Variants in CCDC120 observed in about 807,000 individuals in gnomAD.
CCDC120 encodes the protein coiled-coil domain-containing protein 120.
A neutral mutation model predicts 37.6 loss-of-function variants in CCDC120; 16 were observed. The observed-to-expected ratio is 0.43, with a 90% confidence interval of 0.29 to 0.65. The LOEUF (loss-of-function observed/expected upper bound fraction) is 0.65. Ranked by LOEUF, CCDC120 falls within the 30% of genes least tolerant of loss-of-function variation. The probability of loss-of-function intolerance (pLI) is 0.18; values close to 1 mark genes in which losing one functional copy is unlikely to be tolerated. For synonymous variants in CCDC120, 309 were observed against 275.4 expected (o/e 1.12, Z -1.21); for missense variants, 650 against 657.4 (o/e 0.99, Z 0.12).
At chrX:49,059,512 C>A in intron 1 of CCDC120, 2 of 188,253 alleles carry the variant, frequency 1.1e-5, no homozygotes, top group Non-Finnish European at 1.6e-5. Flanking sequence ...CACCTGCCTG[C>A]CTATGCCTGA....
chrX:49,060,052 C>T (rs982771387), intron 1 of CCDC120, among the ~76,000 whole-genome samples: 1 of 112,174 alleles, frequency 8.9e-6, no homozygotes. Context: ...TATGTCCCCC[C>T]GAGGTCGGGC....
chrX:49,054,980 G>A (rs202059635), upstream of CCDC120, among the ~76,000 whole-genome samples: 9 of 111,881 alleles, frequency 8.0e-5, no homozygotes, highest in East Asian at 5.6e-4. Flanking sequence ...TACTGTGCCC[G>A]GAACTTGAAG....
Position 49,062,559 on chromosome X carries a change from C to T in CCDC120, c.246C>T (p.Ser82=), listed in dbSNP as rs782671018. ...DRQRTLQEAL[S]LKLQELRKVC... is the part of the protein sequence containing the mutation. ...AGCGGACCCTGCAGGAGGCCCTGAG[C>T]CTGAAACTTCAGGAGCTCCGCAAAG... The change falls in exon 4 of 11, where the codon AGC becomes AGT. Residue 82 remains serine, a synonymous_variant. Coordinates refer to ENST00000603986, the MANE Select transcript of CCDC120 (RefSeq NM_001163321.4). 9 of 1,210,598 alleles carry T rather than the reference C, an allele frequency of 7.4e-6. No homozygotes were observed. Among genetic ancestry groups the T allele is most frequent in the Non-Finnish European group, 1.0e-5 (9 of 895,107 alleles).
chrX:49,060,244 G>A (rs1238132853), intron 1 of CCDC120, among the ~76,000 whole-genome samples: 11 of 109,786 alleles, frequency 1.0e-4, no homozygotes, highest in African/African-American at 3.3e-4. Flanking sequence ...GGCCAACATG[G>A]TGAAACCCAA....
intron 1 of CCDC120, chrX:49,059,365 G>T: frequency 2.7e-6 from 2 of 753,566 alleles, no homozygotes; most frequent in Non-Finnish European, 3.1e-6. Flanking sequence ...GGGGAAAAGA[G>T]AAGTATGAGT....
At chrX:49,068,497 T>C (rs1557082277) in intron 10 of CCDC120, 47 bp from the exon 11 acceptor site, 7 of 1,051,496 alleles carry the variant, frequency 6.7e-6, no homozygotes, top group African/African-American at 2.0e-5. Context: ...TTTCTTCTTC[T>C]TGTCTTCCCC....
chrX:49,062,851 G>T (rs1301953536), intron 4 of CCDC120, among the ~76,000 whole-genome samples: 1 of 110,065 alleles, frequency 9.1e-6, no homozygotes, highest in Non-Finnish European at 1.9e-5. Context: ...CCTGAGGTCG[G>T]GAGTTCCAGA....
Position 49,064,525 on chromosome X carries a change from A to G in CCDC120, c.585A>G (p.Leu195=), listed in dbSNP as rs781884117. 3 of 1,180,936 alleles carry G rather than the reference A, an allele frequency of 2.5e-6. No homozygotes were observed. The highest frequency in any genetic ancestry group is 2.4e-5 in the Admixed American group (1 of 41,510). The change falls in exon 6 of 11, where the codon CTA becomes CTG. Residue 195 remains leucine, a synonymous_variant. Transcript: ENST00000603986. ...QADALRRLHE[L]EEQLRDVRAR... ...ATGCACTGAGGAGGCTGCATGAGCT[A>G]GAGGAGCAGCTCAGGGATGTCCGGG...
intron 4 of CCDC120, among the ~76,000 whole-genome samples, chrX:49,063,054 C>T (rs1255422202): frequency 2.7e-5 from 3 of 111,177 alleles, no homozygotes; most frequent in South Asian, 3.8e-4. Context: ...ATTAGTCAGG[C>T]GTGGTGGCGG....
intron 9 of CCDC120, among the ~76,000 whole-genome samples, chrX:49,066,238 C>T (rs1306670011): frequency 1.8e-5 from 2 of 109,024 alleles, no homozygotes; most frequent in East Asian, 2.9e-4. Context: ...TCAAAACAAA[C>T]AAAAAAACAA....
At chrX:49,056,843 A>G (rs1431405274), upstream of CCDC120, among the ~76,000 whole-genome samples, 4 of 111,476 alleles carry the variant, frequency 3.6e-5, no homozygotes, top group South Asian at 3.7e-4. Context: ...GTGACAGCCA[A>G]CATACACTGA....
chrX:49,068,118 A>T, intron 10 of CCDC120, 28 bp downstream of exon 10: 1 of 1,154,491 alleles, frequency 8.7e-7, no homozygotes, highest in South Asian at 2.0e-5. Flanking sequence ...ACTGATGGGT[A>T]GGGGTCTCGT....
intron 9 of CCDC120, 174 bp from the exon 10 acceptor site, chrX:49,067,002 C>T: frequency 8.7e-6 from 4 of 459,055 alleles, no homozygotes; most frequent in South Asian, 3.4e-5. Context: ...GATAGAACCT[C>T]AGCTGCCCTT....
chrX:49,063,034 A>G (rs1005362030), intron 4 of CCDC120, among the ~76,000 whole-genome samples: 3 of 111,438 alleles, frequency 2.7e-5, no homozygotes, highest in Non-Finnish European at 5.7e-5. Flanking sequence ...CTCTACTAAA[A>G]ATACAAAAAA....
intron 6 of CCDC120, 133 bp downstream of exon 6, chrX:49,064,797 G>C: frequency 1.3e-6 from 1 of 791,294 alleles, no homozygotes. Context: ...GAAGAGTTGT[G>C]ACAAACTGGC....
At chrX:49,068,224 G>A in intron 10 of CCDC120, 134 bp downstream of exon 10, 1 of 1,104,493 alleles carries the variant, frequency 9.1e-7, no homozygotes, top group South Asian at 2.3e-5. Context: ...ATGGCACAGG[G>A]TCACTCTACT....
At chrX:49,057,811 T>G (rs918914723), upstream of CCDC120, among the ~76,000 whole-genome samples, 2 of 111,349 alleles carry the variant, frequency 1.8e-5, no homozygotes, top group Non-Finnish European at 3.8e-5. Flanking sequence ...ACAGGATGTG[T>G]GCTGTGTGCC....
chrX:49,054,347 C>T (rs1001269192), upstream of CCDC120, among the ~76,000 whole-genome samples: 4 of 111,488 alleles, frequency 3.6e-5, no homozygotes, highest in African/African-American at 6.5e-5. Flanking sequence ...TCCCCCTAAC[C>T]ACAATCTGGT....
intron 5 of CCDC120, 24 bp downstream of exon 5, chrX:49,064,025 A>C (rs1557080253): frequency 8.5e-7 from 1 of 1,176,338 alleles, no homozygotes; most frequent in East Asian, 3.0e-5. Flanking sequence ...TGTGGAGAGC[A>C]AGAGGGTGGG....
Sources: allele counts gnomAD v4.1 joint callset (sites outside exome capture counted in the v4.1 genomes callset), GRCh38; gene constraint gnomAD v4.1.1; transcripts MANE v1.5; gene names NCBI Gene and HGNC (gene_info 2026-07-23, HGNC 2026-07-21).